Variants in RABGAP1L observed in about 807,000 individuals in gnomAD.
The protein encoded by RABGAP1L is rab GTPase-activating protein 1-like.
Under a neutral mutation model 137.7 loss-of-function variants are expected in RABGAP1L, and 63 were observed. That is an observed-to-expected ratio of 0.46 (90% CI 0.37 to 0.56). The LOEUF (loss-of-function observed/expected upper bound fraction) is 0.56. Ranked by LOEUF, RABGAP1L falls within the 20% of genes least tolerant of loss-of-function variation. RABGAP1L has a pLI of 0.00. For missense variants in RABGAP1L, 1,095 were observed against 1,244.0 expected (o/e 0.88, Z 1.80); for synonymous variants, 431 against 433.7 (o/e 0.99, Z 0.08).
chr1:174,480,920 A>T (rs1659022498), intron 13 of RABGAP1L, among the ~76,000 whole-genome samples: 2 of 152,196 alleles, frequency 1.3e-5, no homozygotes, highest in Admixed American at 1.3e-4. Flanking sequence ...CATAGTATTC[A>T]TACCTCTCAA....
At chr1:174,551,009 T>TAC (rs1558334551) in intron 13 of RABGAP1L, among the ~76,000 whole-genome samples, 58 of 117,678 alleles carry the variant, frequency 4.9e-4, no homozygotes, top group Middle Eastern at 4.1e-3. Context: ...CATATATATA[T>TAC]ATATATATAT....
chr1:174,791,226 T>A (rs1169153690), intron 18 of RABGAP1L, among the ~76,000 whole-genome samples: 1 of 151,920 alleles, frequency 6.6e-6, no homozygotes, highest in Non-Finnish European at 1.5e-5. Context: ...AATGTCCCTA[T>A]CTTGACATAT....
In RABGAP1L at chr1:174,850,075, T is replaced by C. The variant is rs1055404561; in HGVS notation, c.2340+38115T>C. 3 of 531,740 alleles carry C rather than the reference T, an allele frequency of 5.6e-6. No homozygotes were observed. In the African/African-American group the frequency reaches 5.8e-5, roughly 10 times the overall value. 32.9% of individuals were successfully genotyped at this position (531,740 alleles called of 1,614,324 possible). On this transcript the variant is annotated intron_variant, in intron 19 of 25. Coordinates refer to ENST00000681986, the MANE Select transcript of RABGAP1L (RefSeq NM_001366446.1). ...AGGAGGCTGTTGGTAGAGGGGTGTC[T>C]GGGATTGGGAGGGGGCTTCATCTTG...
At chr1:174,608,306 C>T (rs1670937943) in intron 13 of RABGAP1L, among the ~76,000 whole-genome samples, 1 of 152,050 alleles carries the variant, frequency 6.6e-6, no homozygotes, top group African/African-American at 2.4e-5. Flanking sequence ...ATTTGTTCAG[C>T]CCCTACTACA....
Position 174,823,710 on chromosome 1 carries a change from G to A in RABGAP1L, c.2340+11750G>A, listed in dbSNP as rs79252087. 5.3e-5 allele frequency among the ~76,000 whole-genome samples: 8 copies of A among 152,222 alleles called. No individual in the cohort carries two copies. The East Asian group carries it at 1.5e-3, about 29-fold the overall frequency. ...GTACTTCAAAATAGAAGATTCAAAA[G>A]GTTCCCAACAAAAAGAATTGACACA... On this transcript the variant is annotated intron_variant, in intron 19 of 25. Transcript: ENST00000681986.
At chr1:174,367,472 C>G (rs1338789998) in intron 11 of RABGAP1L, 1 of 208,414 alleles carries the variant, frequency 4.8e-6, no homozygotes, top group African/African-American at 2.4e-5. Flanking sequence ...CTTCAGGCCT[C>G]TTCCGAAAAG....
chr1:174,243,995 G>A (rs1348352195), intron 5 of RABGAP1L, among the ~76,000 whole-genome samples: 5 of 152,114 alleles, frequency 3.3e-5, no homozygotes, highest in Admixed American at 2.0e-4. Flanking sequence ...TTCCATTTAC[G>A]TTTTGTATTT....
At position 174,353,686 on chromosome 1, in the gene RABGAP1L, G is replaced by A. The variant is rs1247702391; in HGVS notation, c.1466-17293G>A. 2.0e-5 allele frequency among the ~76,000 whole-genome samples: 3 copies of A among 152,180 alleles called. 1 individual carries two copies. Among genetic ancestry groups the A allele is most frequent in the African/African-American group, 7.2e-5 (3 of 41,432 alleles). ...ATTTTGTCCTGTGTTACTTTCTGCT[G>A]TAATAGGGCAGCAGTGAGTTCCAAT... On this transcript the variant is annotated intron_variant, in intron 11 of 25. Coordinates refer to ENST00000681986, the MANE Select transcript of RABGAP1L (RefSeq NM_001366446.1).
chr1:174,422,219 C>T (rs1264513006), intron 13 of RABGAP1L, among the ~76,000 whole-genome samples: 1 of 151,992 alleles, frequency 6.6e-6, no homozygotes, highest in Non-Finnish European at 1.5e-5. Context: ...TGAACAAGGG[C>T]CCTGTATTTT....
chr1:174,599,609 A>G (rs1670262496), intron 13 of RABGAP1L, among the ~76,000 whole-genome samples: 1 of 152,162 alleles, frequency 6.6e-6, no homozygotes, highest in Admixed American at 6.5e-5. Context: ...TTCACTGGAT[A>G]AAAGTTTTTT....
In RABGAP1L at chr1:174,774,236, G is replaced by A. The variant is rs565100994; in HGVS notation, c.2211+21882G>A. On this transcript the variant is annotated intron_variant, in intron 18 of 25. Transcript: ENST00000681986. ...TCCTTGACTAAGAGAATTTGGTTTT[G>A]GTAAAGCTAAATGAATTTAGAATAA... 2.6e-5 allele frequency among the ~76,000 whole-genome samples: 4 copies of A among 152,190 alleles called. No individual in the cohort carries two copies. The South Asian group carries it at 8.3e-4, about 32-fold the overall frequency.
chr1:174,483,380 C>T (rs1386524471), intron 13 of RABGAP1L, among the ~76,000 whole-genome samples: 2 of 152,136 alleles, frequency 1.3e-5, no homozygotes, highest in Non-Finnish European at 1.5e-5. Context: ...TAAGTGAGAA[C>T]ATGCGATGTC....
At chr1:174,287,266 CTG>C (rs1387625153) in intron 10 of RABGAP1L, among the ~76,000 whole-genome samples, 1 of 152,184 alleles carries the variant, frequency 6.6e-6, no homozygotes, top group African/African-American at 2.4e-5. Context: ...ATTGACCCCT[CTG>C]TCATTATATA....
chr1:174,449,211 G>A (rs1400896062), intron 13 of RABGAP1L: 4 of 1,539,066 alleles, frequency 2.6e-6, no homozygotes, highest in East Asian at 2.3e-5. Context: ...GAGCTACATA[G>A]TAAATCAAAT....
intron 7 of RABGAP1L, among the ~76,000 whole-genome samples, chr1:174,254,902 G>C (rs1672991675): frequency 6.6e-6 from 1 of 152,174 alleles, no homozygotes; most frequent in Non-Finnish European, 1.5e-5. Flanking sequence ...AGATCTTTGA[G>C]GAATCACCAC....
chr1:174,691,780 C>T (rs560943979), intron 15 of RABGAP1L, among the ~76,000 whole-genome samples: 1 of 152,062 alleles, frequency 6.6e-6, no homozygotes, highest in African/African-American at 2.4e-5. Flanking sequence ...TTATCTTATT[C>T]TATGAAGCAT....
At chr1:174,178,090 C>T (rs1385726731) in intron 1 of RABGAP1L, among the ~76,000 whole-genome samples, 5 of 152,172 alleles carry the variant, frequency 3.3e-5, no homozygotes, top group Non-Finnish European at 7.4e-5. Context: ...ATTTTCACGA[C>T]ATTGATTCTT....
intron 13 of RABGAP1L, among the ~76,000 whole-genome samples, chr1:174,583,713 A>G (rs867011221): frequency 6.6e-6 from 1 of 152,184 alleles, no homozygotes. Context: ...TGGTAACATC[A>G]GAATGCTCTA....
chr1:174,530,282 A>T (rs1261356180), intron 13 of RABGAP1L, among the ~76,000 whole-genome samples: 1 of 152,090 alleles, frequency 6.6e-6, no homozygotes, highest in Non-Finnish European at 1.5e-5. Context: ...CCACATAGGC[A>T]GCTGCCATGC....
Sources: allele counts gnomAD v4.1 joint callset (sites outside exome capture counted in the v4.1 genomes callset), GRCh38; gene constraint gnomAD v4.1.1; transcripts MANE v1.5; gene names NCBI Gene and HGNC (gene_info 2026-07-23, HGNC 2026-07-21).